Variants in PRKG1 observed in about 807,000 individuals in gnomAD.
PRKG1 encodes cGMP-dependent protein kinase 1.
Under a neutral mutation model 88.1 loss-of-function variants are expected in PRKG1, and 35 were observed. The observed-to-expected ratio is 0.40, with a 90% CI of 0.30 to 0.53. PRKG1 has a LOEUF of 0.53. Among genes scored for constraint, PRKG1 ranks in the 20% least tolerant of loss-of-function variants. The pLI, the probability that PRKG1 is intolerant of heterozygous loss-of-function variation, is 0.59. For missense variants in PRKG1, 540 were observed against 839.8 expected (o/e 0.64, Z 4.41); for synonymous variants, 303 against 292.5 (o/e 1.04, Z -0.37).
At position 51,189,302 on chromosome 10, in the gene PRKG1, C is replaced by A. The variant is rs146077527; in HGVS notation, c.478+35972C>A. ...CTCTTGAAAGTTTTGAGTTTTCTGA[C>A]TTCTATAAAACAAACAGAAACATAT... is the stretch of plus-strand genomic sequence containing the variant. On this transcript the variant is annotated intron_variant, in intron 2 of 17. Transcript: ENST00000373980. Among the ~76,000 whole-genome samples the A allele has an allele frequency of 8.0e-4, 122 of 151,922 alleles. 2 individuals carry two copies. In the East Asian group the frequency reaches 0.02, roughly 24 times the overall value.
At chr10:51,899,412 C>A (rs143822811) in intron 4 of PRKG1, among the ~76,000 whole-genome samples, 3 of 151,720 alleles carry the variant, frequency 2.0e-5, no homozygotes, top group African/African-American at 4.8e-5. Flanking sequence ...AATTATACAT[C>A]TCAGCACTTT....
intron 5 of PRKG1, among the ~76,000 whole-genome samples, chr10:51,963,489 T>G (rs1047403019): frequency 2.6e-5 from 4 of 152,154 alleles, no homozygotes; most frequent in Non-Finnish European, 2.9e-5. Flanking sequence ...AGAGAGAGTC[T>G]TGCTCTGTCA....
chr10:51,448,831 G>A (rs564976746), intron 2 of PRKG1, among the ~76,000 whole-genome samples: 10 of 152,042 alleles, frequency 6.6e-5, no homozygotes, highest in African/African-American at 1.9e-4. Flanking sequence ...GCACTGGTTC[G>A]TATATAGAAA....
chr10:51,107,755 T>C (rs1844875839), intron 1 of PRKG1, among the ~76,000 whole-genome samples: 1 of 132,450 alleles, frequency 7.6e-6, no homozygotes, highest in African/African-American at 3.0e-5. Flanking sequence ...GCCTGGGAAG[T>C]CGCAGTTTCA....
At chr10:51,576,672 C>A (rs138700860) in intron 3 of PRKG1, among the ~76,000 whole-genome samples, 26 of 152,018 alleles carry the variant, frequency 1.7e-4, no homozygotes, top group African/African-American at 6.0e-4. Flanking sequence ...ATCTTCCCAG[C>A]AACAAGGTAA....
At chr10:51,727,871 C>T (rs1842174179) in intron 3 of PRKG1, among the ~76,000 whole-genome samples, 1 of 152,026 alleles carries the variant, frequency 6.6e-6, no homozygotes, top group African/African-American at 2.4e-5. Flanking sequence ...TACAGTGGCC[C>T]AATTTGAAAC....
intron 3 of PRKG1, among the ~76,000 whole-genome samples, chr10:51,575,110 G>A (rs767162146): frequency 2.6e-5 from 4 of 151,950 alleles, no homozygotes; most frequent in Admixed American, 6.6e-5. Context: ...GTGAGTTCCC[G>A]AGGGAGCCCT....
intron 5 of PRKG1, among the ~76,000 whole-genome samples, chr10:52,039,813 C>T (rs1036006254): frequency 1.1e-4 from 16 of 152,164 alleles, no homozygotes; most frequent in Admixed American, 5.2e-4. Context: ...GGAAAAAAAT[C>T]CTTTTCTTCC....
chr10:51,322,223 TC>T (rs1841475864), intron 2 of PRKG1, among the ~76,000 whole-genome samples: 1 of 152,196 alleles, frequency 6.6e-6, no homozygotes, highest in African/African-American at 2.4e-5. Flanking sequence ...GCTGTGCTTT[TC>T]TACGTTACTA....
At chr10:52,080,822 T>C (rs776189216) in intron 7 of PRKG1, among the ~76,000 whole-genome samples, 10 of 152,338 alleles carry the variant, frequency 6.6e-5, no homozygotes, top group Middle Eastern at 3.4e-3. Flanking sequence ...TCTGGTGATA[T>C]AATAGATGCT....
At chr10:51,372,224 G>A (rs770970245) in intron 2 of PRKG1, among the ~76,000 whole-genome samples, 17 of 152,114 alleles carry the variant, frequency 1.1e-4, no homozygotes, top group Admixed American at 5.9e-4. Context: ...AAGGTTTATC[G>A]TTTTTTATAT....
intron 2 of PRKG1, among the ~76,000 whole-genome samples, chr10:51,360,917 C>T (rs1842466638): frequency 6.6e-6 from 1 of 151,768 alleles, no homozygotes; most frequent in South Asian, 2.1e-4. Flanking sequence ...AAATAACCAA[C>T]CACTCAGGCA....
At chr10:51,909,073 T>C (rs1052762255) in intron 5 of PRKG1, 3 of 152,164 alleles carry the variant, frequency 2.0e-5, no homozygotes, top group Non-Finnish European at 2.9e-5. Flanking sequence ...AGCTTTACCA[T>C]TGCAGTAAAC....
intron 3 of PRKG1, among the ~76,000 whole-genome samples, chr10:51,470,047 A>AT (rs1056611411): frequency 2.6e-5 from 4 of 151,610 alleles, no homozygotes; most frequent in African/African-American, 7.3e-5. Context: ...CTCAAGCACC[A>AT]TTTTTTTCTA....
intron 2 of PRKG1, among the ~76,000 whole-genome samples, chr10:51,311,548 G>A (rs1292775953): frequency 1.3e-5 from 2 of 152,280 alleles, no homozygotes; most frequent in South Asian, 4.1e-4. Flanking sequence ...AGTATTCACT[G>A]GCCCACTTTG....
At chr10:51,631,333 A>G (rs1839520700) in intron 3 of PRKG1, among the ~76,000 whole-genome samples, 1 of 151,962 alleles carries the variant, frequency 6.6e-6, no homozygotes, top group Non-Finnish European at 1.5e-5. Flanking sequence ...AGAGGCATGG[A>G]TGGAGTGGTA....
chr10:51,265,007 G>T (rs953378074), intron 2 of PRKG1, among the ~76,000 whole-genome samples: 2 of 151,926 alleles, frequency 1.3e-5, no homozygotes, highest in Non-Finnish European at 1.5e-5. Context: ...CAGATAATAT[G>T]GCTTGTGAAT....
intron 2 of PRKG1, among the ~76,000 whole-genome samples, chr10:51,293,555 C>T (rs1840638402): frequency 6.6e-6 from 1 of 152,080 alleles, no homozygotes; most frequent in Non-Finnish European, 1.5e-5. Context: ...GACTGGATTT[C>T]TTTCTTTTTT....
At chr10:51,913,085 T>C (rs1470561663) in intron 5 of PRKG1, among the ~76,000 whole-genome samples, 2 of 152,112 alleles carry the variant, frequency 1.3e-5, no homozygotes, top group Admixed American at 6.5e-5. Flanking sequence ...TGTGCCTCCA[T>C]ACCTGATTAA....
Sources: gnomAD v4.1 joint callset for allele counts (sites outside exome capture counted in the v4.1 genomes callset) on GRCh38, gnomAD v4.1.1 for gene constraint, MANE v1.5 for transcripts, NCBI Gene and HGNC (gene_info 2026-07-23, HGNC 2026-07-21) for gene names.